Variants in GTF2F2 observed in about 807,000 individuals in gnomAD.
GTF2F2 encodes the protein general transcription factor IIF subunit 2.
GTF2F2 carries 23 observed loss-of-function variants against 42.2 expected under a neutral mutation model. The observed-to-expected ratio is 0.55, with a 90% CI of 0.39 to 0.77. The LOEUF (loss-of-function observed/expected upper bound fraction) is 0.77, where lower values mean the gene tolerates loss of function less well. Ranked by LOEUF, GTF2F2 falls within the 30% of genes least tolerant of loss-of-function variation. The pLI, the probability that GTF2F2 is intolerant of heterozygous loss-of-function variation, is 0.00. For missense variants in GTF2F2, 261 were observed against 287.2 expected, an observed-to-expected ratio of 0.91 and a Z score of 0.66; for synonymous variants, 105 against 100.8, an observed-to-expected ratio of 1.04 and a Z score of -0.25.
chr13:45,227,734 A>C (rs1399093435), intron 5 of GTF2F2, among the ~76,000 whole-genome samples: 1 of 152,202 alleles, frequency 6.6e-6, no homozygotes, highest in Non-Finnish European at 1.5e-5. Context: ...TAATTAAATG[A>C]CATATTGGGT....
intron 7 of GTF2F2, among the ~76,000 whole-genome samples, chr13:45,281,450 A>G (rs1877256928): frequency 6.6e-6 from 1 of 152,274 alleles, no homozygotes. Flanking sequence ...CACGTACTCT[A>G]CAGCAAACAT....
At chr13:45,273,230 C>T (rs930587866) in intron 7 of GTF2F2, among the ~76,000 whole-genome samples, 2 of 151,866 alleles carry the variant, frequency 1.3e-5, no homozygotes, top group East Asian at 3.9e-4. Flanking sequence ...CCAGCCCACA[C>T]CTGGCTAATT....
intron 5 of GTF2F2, among the ~76,000 whole-genome samples, chr13:45,222,543 A>G (rs1874161630): frequency 6.6e-6 from 1 of 152,196 alleles, no homozygotes; most frequent in Non-Finnish European, 1.5e-5. Context: ...TTGGATAAGG[A>G]ATTAAAGATG....
chr13:45,198,952 C>G (rs780088466), intron 4 of GTF2F2, among the ~76,000 whole-genome samples: 1 of 152,146 alleles, frequency 6.6e-6, no homozygotes, highest in Admixed American at 6.5e-5. Context: ...TAATGTAATT[C>G]TTTTTGAGTG....
chr13:45,124,003 C>T, intron 1 of GTF2F2: 1 of 1,080,794 alleles, frequency 9.3e-7, no homozygotes, highest in Non-Finnish European at 1.4e-6. Flanking sequence ...GGCTGGTGGT[C>T]CAGGGGTCTT....
At chr13:45,235,096 AAGGCTAATAAC>A (rs2138224284) in intron 5 of GTF2F2, among the ~76,000 whole-genome samples, 1 of 149,136 alleles carries the variant, frequency 6.7e-6, no homozygotes, top group African/African-American at 2.5e-5. Flanking sequence ...GTTTATTGAG[AAGGCTAATAAC>A]ATGAACTGAC....
intron 5 of GTF2F2, among the ~76,000 whole-genome samples, chr13:45,221,422 C>T (rs1874110612): frequency 6.6e-6 from 1 of 152,108 alleles, no homozygotes; most frequent in Non-Finnish European, 1.5e-5. Flanking sequence ...TTTGTTCATA[C>T]ATTATTAAAA....
intron 7 of GTF2F2, among the ~76,000 whole-genome samples, chr13:45,277,449 G>A (rs535607433): frequency 6.6e-6 from 1 of 152,140 alleles, no homozygotes; most frequent in African/African-American, 2.4e-5. Flanking sequence ...ACTATCTCGA[G>A]GATAGTACCC....
intron 5 of GTF2F2, among the ~76,000 whole-genome samples, chr13:45,207,917 G>A (rs756391707): frequency 4.6e-4 from 70 of 152,120 alleles, no homozygotes; most frequent in Non-Finnish European, 7.4e-4. Context: ...AGCACTTTGG[G>A]AGGCTGAGGT....
intron 5 of GTF2F2, among the ~76,000 whole-genome samples, chr13:45,210,727 G>C (rs1873597740): frequency 6.6e-6 from 1 of 152,204 alleles, no homozygotes; most frequent in Non-Finnish European, 1.5e-5. Context: ...AATGGCACAA[G>C]ATGAGGTTTA....
At chr13:45,282,113 G>A (rs1877292921) in intron 7 of GTF2F2, among the ~76,000 whole-genome samples, 2 of 152,080 alleles carry the variant, frequency 1.3e-5, no homozygotes, top group African/African-American at 4.8e-5. Context: ...CAGGAGAATC[G>A]CTTGAACCTG....
At chr13:45,131,815 G>A (rs1481955957) in intron 1 of GTF2F2, among the ~76,000 whole-genome samples, 1 of 146,674 alleles carries the variant, frequency 6.8e-6, no homozygotes, top group African/African-American at 2.5e-5. Context: ...TGAGGTGGGA[G>A]TATCGTTGGA....
chr13:45,238,711 G>A (rs1286247316), intron 5 of GTF2F2, among the ~76,000 whole-genome samples: 4 of 152,012 alleles, frequency 2.6e-5, no homozygotes, highest in African/African-American at 4.8e-5. Flanking sequence ...TTGGGAGGCC[G>A]AGGCAGGCGG....
At chr13:45,210,939 A>G (rs2138192945) in intron 5 of GTF2F2, among the ~76,000 whole-genome samples, 1 of 152,340 alleles carries the variant, frequency 6.6e-6, no homozygotes, top group African/African-American at 2.4e-5. Flanking sequence ...AAATGTCTGA[A>G]TGACTAAACA....
intron 4 of GTF2F2, among the ~76,000 whole-genome samples, chr13:45,205,136 C>G (rs1331526502): frequency 2.6e-5 from 4 of 152,146 alleles, no homozygotes; most frequent in Non-Finnish European, 5.9e-5. Flanking sequence ...TTTCACACTG[C>G]TATAAAGAAA....
chr13:45,207,451 T>C lies in GTF2F2; in HGVS notation c.332T>C (p.Val111Ala). ...AAGCTGTCATTGGAAGGAATAGTGG[T>C]ACAAAGAGCTGAATGCCGACCAGCT... ...SDKLSLEGIV[V>A]QRAECRPAAS... is the part of the protein sequence containing the mutation. Residue 111 changes from valine (V) to alanine (A), a missense_variant, in exon 5 of 8, where the codon GTA (valine) becomes GCA (alanine). Transcript: ENST00000340473. 6.2e-7 allele frequency: 1 copy of C among 1,610,342 alleles called. No individual in the cohort carries two copies. Among genetic ancestry groups the C allele is most frequent in the Non-Finnish European group, 8.5e-7 (1 of 1,176,614 alleles).
In GTF2F2 at chr13:45,150,664, C is replaced by CTTTTTTTTTTTTTTT. The variant is rs368061537; in HGVS notation, c.159+889_159+890insTTTTTTTTTTTTTTT. 5.6e-4 allele frequency among the ~76,000 whole-genome samples: 69 copies of CTTTTTTTTTTTTTTT among 122,458 alleles called. 5 individuals are homozygous for CTTTTTTTTTTTTTTT. The highest frequency in any genetic ancestry group is 2.3e-3 in the African/African-American group (61 of 26,786). The allele number at this position is 122,458 out of a possible 152,430, so 80.3% of individuals were successfully genotyped here. ...ATTTTAGGGAAAAAAAAAAAATCAT[C>CTTTTTTTTTTTTTTT]TTTTTTTTTTTTTGAGATGGAGTCT... On this transcript the variant is annotated intron_variant, in intron 3 of 7. Coordinates refer to ENST00000340473, the MANE Select transcript of GTF2F2 (RefSeq NM_004128.3).
intron 1 of GTF2F2, among the ~76,000 whole-genome samples, chr13:45,124,600 G>A (rs1027978353): frequency 2.0e-5 from 3 of 151,772 alleles, no homozygotes; most frequent in Admixed American, 6.6e-5. Context: ...AGTCTCACCC[G>A]GTCACCCAGG....
At chr13:45,236,250 TTGTAGA>T (rs1244964165) in intron 5 of GTF2F2, among the ~76,000 whole-genome samples, 1 of 152,164 alleles carries the variant, frequency 6.6e-6, no homozygotes, top group African/African-American at 2.4e-5. Context: ...CTGTGGACTC[TTGTAGA>T]TGGGGAGTTG....
Sources: gnomAD v4.1 joint callset for allele counts (sites outside exome capture counted in the v4.1 genomes callset) on GRCh38, gnomAD v4.1.1 for gene constraint, MANE v1.5 for transcripts, NCBI Gene and HGNC (gene_info 2026-07-23, HGNC 2026-07-21) for gene names.